Variants in OR1S1 observed in about 807,000 individuals in gnomAD.
OR1S1 encodes olfactory receptor family 1 subfamily S member 1.
For synonymous variants in OR1S1, 156 were observed against 143.9 expected (o/e 1.08, Z -0.60); for missense variants, 411 against 367.5 (o/e 1.12, Z -0.97).
chr11:58,213,747 C>T (rs1008945484), intron 1 of OR1S1, among the ~76,000 whole-genome samples: 47 of 152,238 alleles, frequency 3.1e-4, no homozygotes, highest in Admixed American at 1.3e-3. Flanking sequence ...TCTCTTGAGA[C>T]CATTTTGGGG....
At chr11:58,215,386 T>G (rs781381866) in exon 2 of OR1S1, 2 of 1,614,056 alleles carry the variant, frequency 1.2e-6, no homozygotes, top group South Asian at 2.2e-5. Context: ...TGTTGTTTAT[T>G]GTGGGTTTAT....
At chr11:58,215,156 G>T (rs1852916509) in exon 2 of OR1S1, 2 of 1,613,952 alleles carry the variant, frequency 1.2e-6, no homozygotes, top group Admixed American at 3.3e-5. Flanking sequence ...CCACTTTGTG[G>T]CGATCTGCCA....
chr11:58,215,569 C>T (rs1361457911), exon 2 of OR1S1: 2 of 1,614,102 alleles, frequency 1.2e-6, no homozygotes, highest in Non-Finnish European at 8.5e-7. Context: ...ACTTTTTCCC[C>T]TCCTCCACTC....
rs764281215 is a variant in OR1S1 at position 58,215,162 on chromosome 11, T to A, written c.379T>A (p.Cys127Ser). The change falls in exon 2 of 2, where the codon TGC becomes AGC. Residue 127 changes from cysteine to serine, a missense_variant. Transcript: ENST00000641544. ...GGCCTATGACCACTTTGTGGCGATC[T>A]GCCACCCTCTGAATTATACAATTCT... 3.7e-6 allele frequency: 6 copies of A among 1,614,056 alleles called. No individual in the cohort carries two copies. The African/African-American group carries it at 8.0e-5, about 22-fold the overall frequency.
exon 2 of OR1S1, chr11:58,214,778 A>G (rs1222381873): frequency 6.2e-7 from 1 of 1,613,796 alleles, no homozygotes; most frequent in Non-Finnish European, 8.5e-7. Flanking sequence ...TCAGATCGGC[A>G]GAAATATGCA....
chr11:58,215,429 T>C (rs1852923130), exon 2 of OR1S1: 1 of 1,614,170 alleles, frequency 6.2e-7, no homozygotes, highest in Admixed American at 1.7e-5. Flanking sequence ...ACTCAGCTTC[T>C]TTTCCTATGT....
exon 2 of OR1S1, chr11:58,215,846 C>T: frequency 2.4e-6 from 3 of 1,249,530 alleles, no homozygotes; most frequent in South Asian, 1.5e-5. Context: ...CCTATTCCAA[C>T]CTCTGAAGGG....
At chr11:58,213,852 A>G (rs1241396207) in intron 1 of OR1S1, among the ~76,000 whole-genome samples, 2 of 152,096 alleles carry the variant, frequency 1.3e-5, no homozygotes, top group Non-Finnish European at 2.9e-5. Context: ...TCTCTCTTTC[A>G]TAAGAGACCC....
intron 1 of OR1S1, 21 bp from the exon 2 acceptor site, chr11:58,214,708 A>G: frequency 6.3e-7 from 1 of 1,591,690 alleles, no homozygotes; most frequent in Non-Finnish European, 8.6e-7. Flanking sequence ...CAATGGCTGC[A>G]GCCAAATGAT....
chr11:58,215,778 A>G (rs1852931576), exon 2 of OR1S1: 2 of 1,561,472 alleles, frequency 1.3e-6, no homozygotes, highest in Admixed American at 3.7e-5. Flanking sequence ...GATTCAGCCC[A>G]GAGCGTATGG....
At chr11:58,215,222 A>G (rs766246736) in exon 2 of OR1S1, 1 of 1,614,050 alleles carries the variant, frequency 6.2e-7, no homozygotes, top group Non-Finnish European at 8.5e-7. Flanking sequence ...GCTCACAGTC[A>G]TCTCATGGTT....
At chr11:58,214,172 A>C (rs1304372891) in intron 1 of OR1S1, among the ~76,000 whole-genome samples, 1 of 152,170 alleles carries the variant, frequency 6.6e-6, no homozygotes, top group African/African-American at 2.4e-5. Flanking sequence ...TCTTGAGGCT[A>C]ATATGTAGCC....
exon 2 of OR1S1, chr11:58,215,796 G>A: frequency 2.0e-6 from 3 of 1,515,918 alleles, no homozygotes; most frequent in Non-Finnish European, 2.7e-6. Context: ...TGGCACAGTT[G>A]TGATGGTTCA....
intron 1 of OR1S1, among the ~76,000 whole-genome samples, chr11:58,214,374 T>A (rs1479549933): frequency 6.6e-6 from 1 of 152,194 alleles, no homozygotes; most frequent in Non-Finnish European, 1.5e-5. Context: ...ATTTCTGTTT[T>A]CTTAGATTTA....
chr11:58,213,393 C>T (rs1223299233), intron 1 of OR1S1, among the ~76,000 whole-genome samples: 2 of 152,088 alleles, frequency 1.3e-5, no homozygotes, highest in African/African-American at 4.8e-5. Flanking sequence ...TACTGAAGAC[C>T]CATTTCCAGG....
chr11:58,215,369 G>C (rs755369359), exon 2 of OR1S1: 1 of 1,613,792 alleles, frequency 6.2e-7, no homozygotes, highest in South Asian at 1.1e-5. Flanking sequence ...ATTGATCAAT[G>C]AGCTTGTGTT....
At chr11:58,215,681 G>T (rs1852928982) in exon 2 of OR1S1, 1 of 1,613,502 alleles carries the variant, frequency 6.2e-7, no homozygotes, top group Admixed American at 1.7e-5. Context: ...TATGAAAGGT[G>T]CCCTGAGAAA....
chr11:58,215,637 T>C, exon 2 of OR1S1: 1 of 1,614,080 alleles, frequency 6.2e-7, no homozygotes, highest in Non-Finnish European at 8.5e-7. Context: ...ACACCCATGA[T>C]AAACCCCTTC....
chr11:58,214,922 GT>G lies in OR1S1; in HGVS notation c.140del (p.Val47GlyfsTer37). 1 of 1,614,056 alleles carries G rather than the reference GT, an allele frequency of 6.2e-7. No homozygotes were observed. The highest frequency in any genetic ancestry group is 8.5e-7 in the Non-Finnish European group (1 of 1,179,992). On this transcript the variant is annotated frameshift_variant, in exon 2 of 2. Coordinates refer to ENST00000641544, the Ensembl canonical transcript of OR1S1. LOFTEE classifies it low-confidence loss of function (END_TRUNC). ...TGTGATTGGGAACGGGCTCATCATT[GT>G]GGCTATCAGCTTGGATACGTACCTT...
Sources: gnomAD v4.1 joint callset for allele counts (sites outside exome capture counted in the v4.1 genomes callset) on GRCh38, gnomAD v4.1.1 for gene constraint, MANE v1.5 for transcripts, NCBI Gene and HGNC (gene_info 2026-07-23, HGNC 2026-07-21) for gene names.